ANKRD40: variants seen among roughly 807,000 people sequenced by gnomAD.
The protein encoded by ANKRD40 is ankyrin repeat domain-containing protein 40.
A neutral mutation model predicts 35.5 loss-of-function variants in ANKRD40; 24 were observed. That is an observed-to-expected ratio of 0.68 (90% CI 0.49 to 0.95). ANKRD40 has a LOEUF of 0.95. Ranked by LOEUF, ANKRD40 falls within the 40% of genes least tolerant of loss-of-function variation. ANKRD40 has a pLI of 0.00. For synonymous variants in ANKRD40, 147 were observed against 173.5 expected, an observed-to-expected ratio of 0.85 and a Z score of 1.20; for missense variants, 361 against 436.0, an observed-to-expected ratio of 0.83 and a Z score of 1.53.
rs138572332 is a variant in ANKRD40, at chr17:50,699,859, GTCA to G, written c.315_317del (p.Asp106del). 1.4e-4 allele frequency: 219 copies of G among 1,513,566 alleles called. 1 individual carries two copies. The highest frequency in any genetic ancestry group is 7.1e-4 in the Middle Eastern group (4 of 5,598). 93.8% of individuals were successfully genotyped at this position (1,513,566 alleles called of 1,614,324 possible). On this transcript the variant is annotated inframe_deletion, in exon 3 of 5. Transcript: ENST00000285243. ...ACTCCTTCTTCAGCTGGGGGAGGTT[GTCA>G]TCATCATCATCATCATCATCTTCTT...
Position 50,697,116 on chromosome 17 carries a change from C to T in ANKRD40, c.784G>A (p.Val262Ile), listed in dbSNP as rs767354676. ...GAFPFNMQEL[V>I]LKVRIQNPSL... ...GGGTTCTGAATTCTCACCTTGAGTA[C>T]CAGCTCTAGAAAAAAAAGGAGAAAT... The change falls in exon 4 of 5, where the codon GTA (valine) becomes ATA (isoleucine). Residue 262 changes from valine (V) to isoleucine (I), a missense_variant. Val to Ile is a conservative substitution (Grantham distance 29). Around this residue, in one of 5 missense-constraint regions of ANKRD40, gnomAD observed 93 missense variants for 129.6 expected, o/e 0.72. Coordinates refer to ENST00000285243, the MANE Select transcript of ANKRD40 (RefSeq NM_052855.4). The T allele has an allele frequency of 3.7e-5, 59 of 1,609,750 alleles. No homozygotes were observed. The Admixed American group carries it at 9.9e-4, about 27-fold the overall frequency.
intron 3 of ANKRD40, among the ~76,000 whole-genome samples, chr17:50,698,117 G>A (rs1236971583): frequency 8.0e-6 from 1 of 125,116 alleles, no homozygotes; most frequent in Non-Finnish European, 1.8e-5. Context: ...GTGGGCCCAA[G>A]TGGGAGGCAA....
chr17:50,697,495 T>C (rs754408223), intron 3 of ANKRD40, among the ~76,000 whole-genome samples: 1 of 152,106 alleles, frequency 6.6e-6, no homozygotes, highest in African/African-American at 2.4e-5. Context: ...GGGAAGAAGG[T>C]TGGAAAGAAG....
At chr17:50,697,828 A>G (rs966802821) in intron 3 of ANKRD40, among the ~76,000 whole-genome samples, 6 of 152,218 alleles carry the variant, frequency 3.9e-5, no homozygotes, top group Non-Finnish European at 5.9e-5. Context: ...ACCCCAGGTC[A>G]CTGTTAGCAC....
At chr17:50,702,456 G>A (rs556302102) in intron 1 of ANKRD40, among the ~76,000 whole-genome samples, 1 of 152,052 alleles carries the variant, frequency 6.6e-6, no homozygotes, top group African/African-American at 2.4e-5. Flanking sequence ...CTTGCTTGAA[G>A]TAGAAGGATC....
chr17:50,700,934 A>G, intron 1 of ANKRD40: 1 of 468,246 alleles, frequency 2.1e-6, no homozygotes, highest in Non-Finnish European at 3.8e-6. Context: ...AGAAAAACTA[A>G]CTTAACCTAG....
intron 1 of ANKRD40, among the ~76,000 whole-genome samples, chr17:50,702,775 C>T (rs1008817796): frequency 6.6e-6 from 1 of 152,090 alleles, no homozygotes; most frequent in African/African-American, 2.4e-5. Flanking sequence ...ATAGCGTGGC[C>T]CCCACAGCCC....
intron 2 of ANKRD40, 72 bp from the exon 3 acceptor site, chr17:50,699,965 G>T (rs1207845859): frequency 2.9e-6 from 4 of 1,379,928 alleles, no homozygotes; most frequent in Non-Finnish European, 3.8e-6. Context: ...TTTTGAAAGT[G>T]GTGTCTTTTG....
At chr17:50,698,024 C>T (rs1438823501) in intron 3 of ANKRD40, among the ~76,000 whole-genome samples, 1 of 151,804 alleles carries the variant, frequency 6.6e-6, no homozygotes, top group Non-Finnish European at 1.5e-5. Flanking sequence ...GCTATGTCCT[C>T]TCAACGGGCC....
At chr17:50,700,443 C>CG (rs200111170) in intron 2 of ANKRD40, 125 bp downstream of exon 2, 11,611 of 939,746 alleles carry the variant, frequency 0.012, 69 homozygotes, top group Non-Finnish European at 0.014. Context: ...AACTCCGTCT[C>CG]GGAAAAAAAA....
intron 1 of ANKRD40, among the ~76,000 whole-genome samples, chr17:50,705,819 C>T (rs1037244519): frequency 3.3e-5 from 5 of 151,884 alleles, no homozygotes; most frequent in Non-Finnish European, 4.4e-5. Flanking sequence ...CACCGCTACC[C>T]CTGGCTAATT....
Position 50,696,048 on chromosome 17 carries a change from T to C in ANKRD40, c.1056A>G (p.Thr352=), listed in dbSNP as rs1968197251. Residue 352 remains threonine (T), a synonymous_variant, in exon 5 of 5, where the codon ACA becomes ACG. Coordinates refer to ENST00000285243, the MANE Select transcript of ANKRD40 (RefSeq NM_052855.4). ...TGTTATAGCAAGGCCTTTCAGTCAG[T>C]GTGGATGCAGCATTTCTGAACAGAA... ...NNFLFRNAAS[T]LTERPCYNRR... The C allele has an allele frequency of 3.1e-6, 5 of 1,614,092 alleles. No homozygotes were observed. The highest frequency in any genetic ancestry group is 1.1e-5 in the South Asian group (1 of 91,086).
chr17:50,699,619 C>A lies in ANKRD40; in HGVS notation c.558G>T (p.Gln186His), dbSNP rs769819211. The change falls in exon 3 of 5, where the codon CAG becomes CAT. Residue 186 changes from glutamine to histidine, a missense_variant. Coordinates refer to ENST00000285243, the MANE Select transcript of ANKRD40 (RefSeq NM_052855.4). The stretch of plus-strand genomic sequence containing the variant: ...CAGAGGGGGCCGACACATCACCATT[C>A]TGAACTAGTGCCAAAGAGGTGTGGT... ...PRDHTSLALV[Q>H]NGDVSAPSAI... is the part of the protein sequence containing the mutation. The A allele has an allele frequency of 6.2e-7, 1 of 1,614,154 alleles. No individual in the cohort carries two copies. Among genetic ancestry groups the A allele is most frequent in the South Asian group, 1.1e-5 (1 of 91,074 alleles).
intron 1 of ANKRD40, among the ~76,000 whole-genome samples, chr17:50,703,275 G>A (rs143280460): frequency 5.1e-4 from 78 of 152,216 alleles, no homozygotes; most frequent in Middle Eastern, 3.4e-3. Context: ...TTGTTCTAAA[G>A]GCATTACATG....
In ANKRD40 at chr17:50,695,982, A is replaced by G. The variant is rs376222153; in HGVS notation, c.*15T>C. On this transcript the variant is annotated 3_prime_UTR_variant, in exon 5 of 5. Transcript: ENST00000285243. ...CACACTGTCATAATACTCAGTGATAAAAGTCCCTGCTGCATTAGTAAGTCA... is the reference window on the plus strand; with the variant it reads ...CACACTGTCATAATACTCAGTGATAGAAGTCCCTGCTGCATTAGTAAGTCA... The G allele has an allele frequency of 1.9e-5, 31 of 1,613,590 alleles. No homozygotes were observed. Among genetic ancestry groups the G allele is most frequent in the Non-Finnish European group, 2.4e-5 (28 of 1,179,732 alleles).
In ANKRD40 at chr17:50,695,906, G is replaced by C; in HGVS notation, c.*91C>G. The C allele has an allele frequency of 6.7e-7, 1 of 1,500,560 alleles. No homozygotes were observed. The allele number at this position is 1,500,560 out of a possible 1,614,324, so 93.0% of individuals were successfully genotyped here. On this transcript the variant is annotated 3_prime_UTR_variant, in exon 5 of 5. Transcript: ENST00000285243. ...ATGCAGTGGCACCAGAGGCCCTCCCGGGCATCTGAGGCATTTAGATCAATG... is the reference window on the plus strand; with the variant it reads ...ATGCAGTGGCACCAGAGGCCCTCCCCGGCATCTGAGGCATTTAGATCAATG...
chr17:50,694,288 G>A lies in ANKRD40; in HGVS notation c.*1709C>T, dbSNP rs548031810. 6.6e-6 allele frequency: 1 copy of A among 152,300 alleles called. No individual in the cohort carries two copies. Among genetic ancestry groups the A allele is most frequent in the South Asian group, 2.1e-4 (1 of 4,826 alleles). 9.4% of individuals were successfully genotyped at this position (152,300 alleles called of 1,614,324 possible). ...GGATACAATTAAGTCACTAAACAGA[G>A]TGAGTCCATGAAGTTAGCCTTGAAA... On this transcript the variant is annotated 3_prime_UTR_variant, in exon 5 of 5. Transcript: ENST00000285243.
At chr17:50,699,316 T>C (rs1968235770) in intron 3 of ANKRD40, 83 bp downstream of exon 3, 1 of 1,510,502 alleles carries the variant, frequency 6.6e-7, no homozygotes, top group South Asian at 1.3e-5. Flanking sequence ...AGTTTGCAAT[T>C]ATACCCAGAA....
intron 4 of ANKRD40, 130 bp from the exon 5 acceptor site, chr17:50,696,273 T>C (rs1170802042): frequency 2.8e-6 from 3 of 1,089,296 alleles, no homozygotes; most frequent in Non-Finnish European, 3.8e-6. Flanking sequence ...TGTGGCAGGC[T>C]AAGTCAGTGA....
Sources: allele counts gnomAD v4.1 joint callset (sites outside exome capture counted in the v4.1 genomes callset), GRCh38; gene constraint gnomAD v4.1.1; regional missense constraint gnomAD v4.1.1; transcripts MANE v1.5; gene names NCBI Gene and HGNC (gene_info 2026-07-23, HGNC 2026-07-21).